C8orf34: variants seen among roughly 807,000 people sequenced by gnomAD.
The protein encoded by C8orf34 is chromosome 8 open reading frame 34.
C8orf34 carries 65 observed loss-of-function variants against 68.3 expected under a neutral mutation model. The observed-to-expected ratio is 0.95, with a 90% confidence interval of 0.78 to 1.17. The LOEUF is 1.17. C8orf34 is among the 50% of genes most tolerant of loss of function. The pLI, the probability that C8orf34 is intolerant of heterozygous loss-of-function variation, is 0.00. For missense variants in C8orf34, 664 were observed against 655.4 expected (o/e 1.01, Z -0.14); for synonymous variants, 244 against 241.2 (o/e 1.01, Z -0.11).
intron 9 of C8orf34, 39 bp from the exon 10 acceptor site, chr8:68,721,322 T>C (rs1390050910): frequency 7.7e-7 from 1 of 1,294,580 alleles, no homozygotes; most frequent in East Asian, 2.5e-5. Flanking sequence ...ATAAGCAATA[T>C]GTGAGTATAA....
chr8:68,523,141 A>G (rs1210807741), intron 6 of C8orf34, among the ~76,000 whole-genome samples: 1 of 152,166 alleles, frequency 6.6e-6, no homozygotes, highest in Non-Finnish European at 1.5e-5. Flanking sequence ...GGAGAGGAAA[A>G]CCATTTATAA....
chr8:68,404,065 A>G (rs1809079706), intron 1 of C8orf34, among the ~76,000 whole-genome samples: 1 of 152,134 alleles, frequency 6.6e-6, no homozygotes, highest in Non-Finnish European at 1.5e-5. Context: ...AATGATTGCC[A>G]TTCTTACTGG....
At chr8:68,457,008 T>C (rs1811582484) in intron 3 of C8orf34, among the ~76,000 whole-genome samples, 1 of 152,196 alleles carries the variant, frequency 6.6e-6, no homozygotes, top group Non-Finnish European at 1.5e-5. Context: ...TGAATGCTGA[T>C]CCTTTATAAC....
intron 8 of C8orf34, among the ~76,000 whole-genome samples, chr8:68,684,696 T>A (rs1003559130): frequency 7.9e-5 from 12 of 152,106 alleles, no homozygotes; most frequent in African/African-American, 2.9e-4. Flanking sequence ...GCTATAAGCA[T>A]GTAAATCGAG....
intron 7 of C8orf34, among the ~76,000 whole-genome samples, chr8:68,582,921 T>A (rs1358457791): frequency 6.6e-6 from 1 of 152,072 alleles, no homozygotes; most frequent in Non-Finnish European, 1.5e-5. Context: ...TAGATAAAAG[T>A]AATATTTGGT....
At chr8:68,404,161 G>T (rs538677438) in intron 1 of C8orf34, among the ~76,000 whole-genome samples, 5 of 152,060 alleles carry the variant, frequency 3.3e-5, no homozygotes, top group Admixed American at 3.3e-4. Context: ...TTTGTTGGCC[G>T]TATAAATGTC....
intron 11 of C8orf34, among the ~76,000 whole-genome samples, chr8:68,784,317 G>C (rs1050713832): frequency 5.3e-5 from 8 of 152,174 alleles, no homozygotes; most frequent in Admixed American, 5.2e-4. Flanking sequence ...GTTTTTAGGA[G>C]GAAGACCACA....
chr8:68,653,897 A>AC (rs1380078082), intron 8 of C8orf34, among the ~76,000 whole-genome samples: 1 of 152,138 alleles, frequency 6.6e-6, no homozygotes, highest in Non-Finnish European at 1.5e-5. Flanking sequence ...GAAGGGCCTG[A>AC]TTTTAAATAG....
At chr8:68,601,179 A>C (rs1480833652) in intron 7 of C8orf34, among the ~76,000 whole-genome samples, 1 of 152,026 alleles carries the variant, frequency 6.6e-6, no homozygotes, top group African/African-American at 2.4e-5. Context: ...TGGTGCTTTC[A>C]ATACTTTTTT....
chr8:68,359,287 C>G (rs1164828556), intron 1 of C8orf34, among the ~76,000 whole-genome samples: 1 of 152,074 alleles, frequency 6.6e-6, no homozygotes, highest in Non-Finnish European at 1.5e-5. Context: ...ATTTATGCTC[C>G]TGAGCAACCC....
chr8:68,813,340 A>C (rs1440040715), intron 12 of C8orf34, among the ~76,000 whole-genome samples: 1 of 151,766 alleles, frequency 6.6e-6, no homozygotes, highest in Admixed American at 6.6e-5. Flanking sequence ...GTCAAAGGTT[A>C]TTTCAGAAAC....
chr8:68,747,760 T>G (rs1822552719), intron 10 of C8orf34, among the ~76,000 whole-genome samples: 1 of 151,432 alleles, frequency 6.6e-6, no homozygotes, highest in Non-Finnish European at 1.5e-5. Context: ...GGAAGAACAT[T>G]CCATGCTCAT....
chr8:68,612,719 A>G (rs1323302411), intron 7 of C8orf34, among the ~76,000 whole-genome samples: 2 of 152,138 alleles, frequency 1.3e-5, no homozygotes, highest in Non-Finnish European at 2.9e-5. Flanking sequence ...ATATCAATGA[A>G]AACATGGACA....
intron 8 of C8orf34, among the ~76,000 whole-genome samples, chr8:68,647,020 A>C (rs886444093): frequency 2.6e-5 from 4 of 152,204 alleles, no homozygotes; most frequent in African/African-American, 7.2e-5. Flanking sequence ...ACAGACTGGG[A>C]GAAAATATTT....
intron 7 of C8orf34, among the ~76,000 whole-genome samples, chr8:68,587,440 C>G (rs1231094484): frequency 6.6e-6 from 1 of 152,072 alleles, no homozygotes; most frequent in African/African-American, 2.4e-5. Context: ...AGATTTCAAT[C>G]TAGACCTCAA....
At chr8:68,589,953 GGAA>G (rs961882146) in intron 7 of C8orf34, among the ~76,000 whole-genome samples, 5 of 139,426 alleles carry the variant, frequency 3.6e-5, no homozygotes, top group African/African-American at 1.3e-4. Context: ...AAGGAGGAAA[GGAA>G]GAAAGAAAAA....
chr8:68,346,213 C>G (rs1806275305), intron 1 of C8orf34, among the ~76,000 whole-genome samples: 1 of 151,088 alleles, frequency 6.6e-6, no homozygotes, highest in South Asian at 2.1e-4. Flanking sequence ...TAGAGACTTT[C>G]TGAGAATCCC....
intron 10 of C8orf34, among the ~76,000 whole-genome samples, chr8:68,738,752 G>T (rs189683632): frequency 6.6e-6 from 1 of 152,040 alleles, no homozygotes; most frequent in African/African-American, 2.4e-5. Flanking sequence ...TTGAATCTCT[G>T]TATAGACCAA....
chr8:68,546,751 A>G (rs887896519), intron 7 of C8orf34, among the ~76,000 whole-genome samples: 2 of 151,872 alleles, frequency 1.3e-5, no homozygotes, highest in Non-Finnish European at 3.0e-5. Flanking sequence ...CTGTACTTTT[A>G]TAACAACATG....
Sources: allele counts gnomAD v4.1 joint callset (sites outside exome capture counted in the v4.1 genomes callset), GRCh38; gene constraint gnomAD v4.1.1; transcripts MANE v1.5; gene names NCBI Gene and HGNC (gene_info 2026-07-23, HGNC 2026-07-21).